ABCC5: variants seen among roughly 807,000 people sequenced by gnomAD.
ABCC5 encodes the protein ATP binding cassette subfamily C member 5.
Under a neutral mutation model 160.9 loss-of-function variants are expected in ABCC5, and 61 were observed. The observed-to-expected ratio is 0.38, with a 90% CI of 0.31 to 0.47. ABCC5 has a LOEUF of 0.47. Ranked by LOEUF, ABCC5 falls within the 20% of genes least tolerant of loss-of-function variation. The probability of loss-of-function intolerance (pLI) is 0.99; values close to 1 mark genes in which losing one functional copy is unlikely to be tolerated. For synonymous variants in ABCC5, 666 were observed against 700.6 expected (o/e 0.95, Z 0.78); for missense variants, 1,308 against 1,813.3 (o/e 0.72, Z 5.06).
chr3:183,962,538 T>C (rs1047486024), intron 15 of ABCC5, among the ~76,000 whole-genome samples: 7 of 151,734 alleles, frequency 4.6e-5, no homozygotes, highest in African/African-American at 1.7e-4. Flanking sequence ...TTTTCTTTTT[T>C]TTTTTTTTTT....
chr3:183,944,306 G>C (rs1043289691), intron 24 of ABCC5, among the ~76,000 whole-genome samples: 1 of 151,684 alleles, frequency 6.6e-6, no homozygotes, highest in Non-Finnish European at 1.5e-5. Flanking sequence ...GAGGTGGGAG[G>C]ATCACTTGAG....
At position 183,944,724 on chromosome 3, in the gene ABCC5, C is replaced by CT. The variant is rs1343154707; in HGVS notation, c.3504+1125dup. Among the ~76,000 whole-genome samples the CT allele has an allele frequency of 3.9e-5, 6 of 152,002 alleles. No homozygotes were observed. The East Asian group carries it at 7.8e-4, about 20-fold the overall frequency. On this transcript the variant is annotated intron_variant, in intron 24 of 29. Coordinates refer to ENST00000334444, the MANE Select transcript of ABCC5 (RefSeq NM_005688.4). ...TCAACTTTCTTAACATATTATGAGA[C>CT]TTTTTTTTGCCATCTTTTTTTTTAA...
At chr3:183,960,898 G>A (rs1008194417) in intron 16 of ABCC5, among the ~76,000 whole-genome samples, 1 of 151,710 alleles carries the variant, frequency 6.6e-6, no homozygotes, top group Non-Finnish European at 1.5e-5. Flanking sequence ...CGATTCTCCT[G>A]CCTCACCCTC....
Position 183,920,535 on chromosome 3 carries a change from G to C in ABCC5, c.*765C>G, listed in dbSNP as rs1207271358. ...GGCAGGAAAGAAACTCCCCGGCTCG[G>C]AGGAATGTCTCTGTGATCCCCATTC... On this transcript the variant is annotated 3_prime_UTR_variant, in exon 30 of 30. Transcript: ENST00000334444. The surrounding 1 kb of genome is among the most constrained non-coding windows in gnomAD (Gnocchi z 4.1). The C allele has an allele frequency of 1.3e-5, 2 of 152,726 alleles. No individual in the cohort carries two copies. The highest frequency in any genetic ancestry group is 3.8e-4 in the East Asian group (2 of 5,206). 9.5% of individuals were successfully genotyped at this position (152,726 alleles called of 1,614,324 possible).
At chr3:184,005,925 G>C (rs867916348) in intron 2 of ABCC5, among the ~76,000 whole-genome samples, 2 of 144,428 alleles carry the variant, frequency 1.4e-5, no homozygotes, top group Non-Finnish European at 1.5e-5. Flanking sequence ...AAAAAAAACA[G>C]GAAGCTAATT....
At chr3:183,931,232 C>T (rs565166056) in intron 26 of ABCC5, among the ~76,000 whole-genome samples, 2 of 151,774 alleles carry the variant, frequency 1.3e-5, no homozygotes, top group East Asian at 1.9e-4. Context: ...CATGGAGAAG[C>T]GAGAACTGCT....
chr3:183,958,373 T>G (rs1005299921), intron 17 of ABCC5, among the ~76,000 whole-genome samples: 3 of 152,212 alleles, frequency 2.0e-5, no homozygotes, highest in Non-Finnish European at 4.4e-5. Context: ...CTTGAGCACT[T>G]TAAGAGTTGT....
At chr3:183,967,475 ACAGT>A (rs1424610131) in intron 12 of ABCC5, 3 of 523,816 alleles carry the variant, frequency 5.7e-6, no homozygotes, top group Admixed American at 3.1e-5. Context: ...AGCTGGGACA[ACAGT>A]CAGTCATCCA....
chr3:183,978,630 C>T lies in ABCC5; in HGVS notation c.1169G>A (p.Arg390Gln), dbSNP rs960707471. Reference sequence around the variant, plus strand: ...GAAGTACCCAGCTTTTTCCAATATCCGACGCTCCTCCTCGCGGATTTCTAT... The same window carrying T: ...GAAGTACCCAGCTTTTTCCAATATCTGACGCTCCTCCTCGCGGATTTCTAT... ...SVQKIREEERRILEKAGYFQS... is the reference protein window; with the variant it reads ...SVQKIREEERQILEKAGYFQS... Residue 390 changes from arginine (R) to glutamine (Q), a missense_variant, in exon 9 of 30, where the codon CGG becomes CAG. Arg to Gln is a conservative substitution (Grantham distance 43). This residue lies in a region of ABCC5 where 1,142 missense variants were observed against 1,527.1 expected (regional missense o/e 0.75). Transcript: ENST00000334444. The T allele has an allele frequency of 9.3e-6, 15 of 1,613,552 alleles. No homozygotes were observed. The highest frequency in any genetic ancestry group is 1.6e-4 in the Middle Eastern group (1 of 6,082).
chr3:183,981,646 G>A (rs1718752047), intron 8 of ABCC5, 81 bp downstream of exon 8: 2 of 1,496,362 alleles, frequency 1.3e-6, no homozygotes, highest in Non-Finnish European at 1.8e-6. Context: ...AATGTGCTCA[G>A]AAAGCAAAGT....
At position 183,989,835 on chromosome 3, in the gene ABCC5, C is replaced by T. The variant is rs563272299; in HGVS notation, c.130-452G>A. 1.5e-4 allele frequency among the ~76,000 whole-genome samples: 23 copies of T among 152,176 alleles called. 1 individual carries two copies. The highest frequency in any genetic ancestry group is 4.8e-4 in the African/African-American group (20 of 41,514). Reference sequence around the variant, plus strand: ...TTTGGGTTTTTTTGAGATAGAGTCTCCCTCTGTCACCCAGGCTGGAGTGCA... The same window carrying T: ...TTTGGGTTTTTTTGAGATAGAGTCTTCCTCTGTCACCCAGGCTGGAGTGCA... On this transcript the variant is annotated intron_variant, in intron 2 of 29. Coordinates refer to ENST00000334444, the MANE Select transcript of ABCC5 (RefSeq NM_005688.4).
At chr3:183,995,125 T>G (rs1720161325) in intron 2 of ABCC5, among the ~76,000 whole-genome samples, 1 of 152,152 alleles carries the variant, frequency 6.6e-6, no homozygotes, top group Non-Finnish European at 1.5e-5. Context: ...AAATTACAGC[T>G]TATTTTCTAA....
intron 10 of ABCC5, 106 bp from the exon 11 acceptor site, chr3:183,972,025 T>C (rs761606370): frequency 5.7e-6 from 9 of 1,586,854 alleles, no homozygotes; most frequent in African/African-American, 1.3e-5. Flanking sequence ...GGCTATACAG[T>C]GGAAGGAAGC....
intron 2 of ABCC5, among the ~76,000 whole-genome samples, chr3:183,994,874 T>TTTATTTTTTTTTTTTTTTTTTCCC (rs1720132370): frequency 6.6e-6 from 1 of 150,702 alleles, no homozygotes. Flanking sequence ...TTTTTTTTTT[T>TTTATTTTTTTTTTTTTTTTTTCCC]AAGACAAGGT....
intron 5 of ABCC5, chr3:183,983,968 G>A (rs1232548386): frequency 1.0e-6 from 1 of 985,264 alleles, no homozygotes; most frequent in Non-Finnish European, 1.2e-6. Flanking sequence ...ACCCATATCT[G>A]TTTCCAGAGT....
chr3:183,922,240 T>C (rs1355780723), intron 29 of ABCC5, among the ~76,000 whole-genome samples: 4 of 151,424 alleles, frequency 2.6e-5, no homozygotes, highest in Non-Finnish European at 5.9e-5. Context: ...GGTGTGGTGG[T>C]GCATGCCTGT....
chr3:183,930,172 A>C (rs1713038632), intron 26 of ABCC5, among the ~76,000 whole-genome samples: 1 of 152,262 alleles, frequency 6.6e-6, no homozygotes, highest in Non-Finnish European at 1.5e-5. Context: ...TCTATGCCAC[A>C]CACCTGTCTC....
intron 15 of ABCC5, among the ~76,000 whole-genome samples, chr3:183,962,365 A>G (rs199687238): frequency 6.6e-6 from 1 of 152,082 alleles, no homozygotes; most frequent in Non-Finnish European, 1.5e-5. Flanking sequence ...TAAGCCAGCG[A>G]CTGTCTCTAC....
chr3:183,991,852 G>A (rs904684144), intron 2 of ABCC5, among the ~76,000 whole-genome samples: 1 of 152,038 alleles, frequency 6.6e-6, no homozygotes, highest in African/African-American at 2.4e-5. Context: ...TAATCACAAG[G>A]GGAAGGAAAA....
Sources: gnomAD v4.1 joint callset for allele counts (sites outside exome capture counted in the v4.1 genomes callset) on GRCh38, gnomAD v4.1.1 for gene constraint, gnomAD v4.1.1 regional missense constraint, Gnocchi (gnomAD v3.1) non-coding constraint, MANE v1.5 for transcripts, NCBI Gene and HGNC (gene_info 2026-07-23, HGNC 2026-07-21) for gene names.